SHROOM3: variants seen among roughly 807,000 people sequenced by gnomAD.
The protein encoded by SHROOM3 is shroom family member 3.
A neutral mutation model predicts 138.6 loss-of-function variants in SHROOM3; 47 were observed. The ratio of observed to expected loss-of-function variants is 0.34; its 90% CI spans 0.27 to 0.43. The LOEUF is 0.43. Among genes scored for constraint, SHROOM3 ranks in the 20% least tolerant of loss-of-function variants. The pLI is 1.00. For synonymous variants in SHROOM3, 1,062 were observed against 1,063.3 expected (o/e 1.00, Z 0.02); for missense variants, 2,491 against 2,596.5 (o/e 0.96, Z 0.88).
chr4:76,436,230 T>G lies in SHROOM3; in HGVS notation c.168+10T>G. 2 of 1,613,840 alleles carry G rather than the reference T, an allele frequency of 1.2e-6. No individual in the cohort carries two copies. The highest frequency in any genetic ancestry group is 1.3e-5 in the African/African-American group (1 of 75,050). ...ATTAATCATCTCTAAGGTATGTTTC[T>G]TTTTCCAATATTGCCTTTATTCAAA... On this transcript the variant is annotated intron_variant, in intron 1 of 10. Coordinates refer to ENST00000296043, the MANE Select transcript of SHROOM3 (RefSeq NM_020859.4).
intron 2 of SHROOM3, among the ~76,000 whole-genome samples, chr4:76,704,697 A>G (rs901205262): frequency 6.6e-6 from 1 of 152,230 alleles, no homozygotes; most frequent in African/African-American, 2.4e-5. Flanking sequence ...ATTTTATCCA[A>G]AATGCATAGG....
At chr4:76,733,997 A>G (rs985060465) in intron 4 of SHROOM3, among the ~76,000 whole-genome samples, 1 of 152,166 alleles carries the variant, frequency 6.6e-6, no homozygotes, top group Non-Finnish European at 1.5e-5. Flanking sequence ...CTAAAGTACT[A>G]AAGTACTTTA....
intron 3 of SHROOM3, among the ~76,000 whole-genome samples, chr4:76,711,239 GCTCT>G (rs1034072251): frequency 6.6e-6 from 1 of 152,092 alleles, no homozygotes; most frequent in Non-Finnish European, 1.5e-5. Flanking sequence ...TGTTATAGAA[GCTCT>G]CTCTACTTCC....
intron 2 of SHROOM3, among the ~76,000 whole-genome samples, chr4:76,619,367 G>A (rs1263512564): frequency 5.3e-5 from 8 of 152,100 alleles, no homozygotes; most frequent in Middle Eastern, 3.2e-3. Flanking sequence ...TGGTACTTCA[G>A]CTTGGAATAT....
At chr4:76,755,328 G>C (rs1721770899) in intron 7 of SHROOM3, 136 bp downstream of exon 7, 1 of 1,096,334 alleles carries the variant, frequency 9.1e-7, no homozygotes, top group African/African-American at 1.6e-5. Flanking sequence ...GGACACTGTT[G>C]ATCTGTTTGC....
chr4:76,491,964 GA>G (rs1341261990), intron 1 of SHROOM3, among the ~76,000 whole-genome samples: 2 of 152,132 alleles, frequency 1.3e-5, no homozygotes, highest in Non-Finnish European at 2.9e-5. Flanking sequence ...GAGAGAGAGA[GA>G]ATGCACTTTG....
chr4:76,569,817 A>G (rs6812051), intron 2 of SHROOM3, among the ~76,000 whole-genome samples: 72,819 of 151,730 alleles, frequency 0.48, 17,751 homozygotes, highest in African/African-American at 0.56. Context: ...TCTTGAGGGA[A>G]GCCTGCCTTT....
At chr4:76,709,746 A>C in intron 2 of SHROOM3, 1 of 274,084 alleles carries the variant, frequency 3.6e-6, no homozygotes, top group Admixed American at 5.1e-5. Context: ...TTGAGAAGTG[A>C]GGTGGCAGAG....
chr4:76,560,612 G>GGT (rs1247995112), intron 2 of SHROOM3, among the ~76,000 whole-genome samples: 1 of 152,118 alleles, frequency 6.6e-6, no homozygotes, highest in Non-Finnish European at 1.5e-5. Context: ...GAAAGCTGGA[G>GGT]GTGCTATTTT....
intron 2 of SHROOM3, among the ~76,000 whole-genome samples, chr4:76,650,920 T>G (rs1735941984): frequency 1.3e-5 from 2 of 152,206 alleles, no homozygotes; most frequent in African/African-American, 2.4e-5. Context: ...GAAAATGTGG[T>G]ACTTATACAC....
In SHROOM3 at chr4:76,780,349, T is replaced by G. The variant is rs1054421572; in HGVS notation, c.*1172T>G. ...GGAGGTTATGGGCTGGCAGCCAGGC[T>G]ATGTTTACAGCTGCTGGAGATGGCA... is the stretch of plus-strand genomic sequence containing the variant. On this transcript the variant is annotated 3_prime_UTR_variant, in exon 11 of 11. Coordinates refer to ENST00000296043, the MANE Select transcript of SHROOM3 (RefSeq NM_020859.4). 5.9e-5 allele frequency: 9 copies of G among 152,170 alleles called. No homozygotes were observed. Among genetic ancestry groups the G allele is most frequent in the African/African-American group, 1.9e-4 (8 of 41,446 alleles). 9.4% of individuals were successfully genotyped at this position (152,170 alleles called of 1,614,324 possible).
chr4:76,552,028 A>G (rs60099194), intron 1 of SHROOM3, among the ~76,000 whole-genome samples: 63,482 of 139,890 alleles, frequency 0.45, 14,875 homozygotes, highest in African/African-American at 0.58. Flanking sequence ...CGCCCGGCTA[A>G]TTTTTTGTAT....
intron 1 of SHROOM3, among the ~76,000 whole-genome samples, chr4:76,546,657 G>A (rs137906223): frequency 4.7e-4 from 71 of 152,292 alleles, no homozygotes; most frequent in African/African-American, 1.7e-3. Context: ...GACGTCTTTT[G>A]TTATCCACCT....
At chr4:76,753,043 G>A (rs779823512) in intron 6 of SHROOM3, among the ~76,000 whole-genome samples, 9 of 152,200 alleles carry the variant, frequency 5.9e-5, no homozygotes, top group Non-Finnish European at 1.2e-4. Flanking sequence ...GGGGTACTTG[G>A]TGGCAGGTAC....
intron 2 of SHROOM3, among the ~76,000 whole-genome samples, chr4:76,700,434 G>T (rs745390145): frequency 5.9e-5 from 9 of 152,156 alleles, no homozygotes; most frequent in Non-Finnish European, 1.3e-4. Flanking sequence ...TGGGGCATGC[G>T]ACTGGGGGAA....
At chr4:76,478,138 C>T (rs1029542953) in intron 1 of SHROOM3, among the ~76,000 whole-genome samples, 1 of 152,134 alleles carries the variant, frequency 6.6e-6, no homozygotes. Context: ...ATTGTTCACT[C>T]CCCTGGAAAG....
chr4:76,777,833 A>G (rs907880925), intron 10 of SHROOM3, among the ~76,000 whole-genome samples: 1 of 152,242 alleles, frequency 6.6e-6, no homozygotes, highest in African/African-American at 2.4e-5. Context: ...TAAAGATAAC[A>G]TATGCTACAA....
chr4:76,780,696 A>G lies in SHROOM3; in HGVS notation c.*1519A>G, dbSNP rs917066572. 6.6e-6 allele frequency: 1 copy of G among 152,242 alleles called. No individual in the cohort carries two copies. The highest frequency in any genetic ancestry group is 2.4e-5 in the African/African-American group (1 of 41,462). 9.4% of individuals were successfully genotyped at this position (152,242 alleles called of 1,614,324 possible). A position where few individuals can be genotyped will look rare whatever the true frequency, so the allele number is the denominator to read the frequency against. ...TTAACTTATAAACAACTGGCCACCC[A>G]GAAGTTTCCTTTGCATAGTCAACCA... On this transcript the variant is annotated 3_prime_UTR_variant, in exon 11 of 11. Coordinates refer to ENST00000296043, the MANE Select transcript of SHROOM3 (RefSeq NM_020859.4).
intron 9 of SHROOM3, among the ~76,000 whole-genome samples, chr4:76,770,006 A>C (rs1441812320): frequency 6.6e-6 from 1 of 152,130 alleles, no homozygotes; most frequent in Non-Finnish European, 1.5e-5. Context: ...TCAAATGAGA[A>C]CATGTCTTAA....
Sources: allele counts gnomAD v4.1 joint callset (sites outside exome capture counted in the v4.1 genomes callset), GRCh38; gene constraint gnomAD v4.1.1; transcripts MANE v1.5; gene names NCBI Gene and HGNC (gene_info 2026-07-23, HGNC 2026-07-21).